The following CHAF1A variants were observed in gnomAD, a reference collection of about 807,000 sequenced individuals.
The protein encoded by CHAF1A is CAF-1 subunit A.
Under a neutral mutation model 93.2 loss-of-function variants are expected in CHAF1A, and 5 were observed. The ratio of observed to expected loss-of-function variants is 0.05; its 90% CI spans 0.03 to 0.11. The LOEUF is 0.11. Ranked by LOEUF, CHAF1A falls within the 10% of genes least tolerant of loss-of-function variation. The pLI is 1.00. For missense variants in CHAF1A, 1,102 were observed against 1,259.9 expected (o/e 0.87, Z 1.90); for synonymous variants, 504 against 510.3 (o/e 0.99, Z 0.17).
chr19:4,418,600 A>G (rs943539064), intron 4 of CHAF1A, among the ~76,000 whole-genome samples: 3 of 151,706 alleles, frequency 2.0e-5, no homozygotes, highest in Middle Eastern at 3.2e-3. Flanking sequence ...TATTTTTAGT[A>G]GAGACGGGGT....
At chr19:4,406,633 C>T (rs1376203173) in intron 2 of CHAF1A, among the ~76,000 whole-genome samples, 1 of 152,048 alleles carries the variant, frequency 6.6e-6, no homozygotes, top group Non-Finnish European at 1.5e-5. Context: ...TGGGGTTTTA[C>T]CATGTTGGCC....
At chr19:4,437,133 G>A (rs757990175) in intron 13 of CHAF1A, among the ~76,000 whole-genome samples, 13 of 151,998 alleles carry the variant, frequency 8.6e-5, no homozygotes, top group Non-Finnish European at 1.5e-4. Context: ...GCAGTGCAGC[G>A]GACGCACGAA....
intron 13 of CHAF1A, among the ~76,000 whole-genome samples, chr19:4,435,181 C>T (rs1263735949): frequency 6.8e-6 from 1 of 147,992 alleles, no homozygotes; most frequent in Non-Finnish European, 1.5e-5. Flanking sequence ...AGCTCCGCCT[C>T]CCGGGTTCAC....
At chr19:4,406,469 C>T (rs1157249336) in intron 2 of CHAF1A, among the ~76,000 whole-genome samples, 2 of 135,266 alleles carry the variant, frequency 1.5e-5, no homozygotes, top group African/African-American at 5.6e-5. Context: ...GAGTCTCATT[C>T]TGTTGCCCAG....
downstream of CHAF1A, chr19:4,446,790 G>C (rs980777223): frequency 1.9e-6 from 3 of 1,613,554 alleles, no homozygotes; most frequent in Non-Finnish European, 2.5e-6. Flanking sequence ...CCTGCCCCGA[G>C]GCCCCTCGTC....
chr19:4,407,081 T>C (rs1217334616), intron 2 of CHAF1A, among the ~76,000 whole-genome samples: 3 of 151,844 alleles, frequency 2.0e-5, no homozygotes, highest in Non-Finnish European at 4.4e-5. Flanking sequence ...TAGCTGGGCA[T>C]GGTAGGGGGC....
At chr19:4,404,713 TAACTA>T (rs1973649047) in intron 1 of CHAF1A, among the ~76,000 whole-genome samples, 1 of 152,184 alleles carries the variant, frequency 6.6e-6, no homozygotes, top group Non-Finnish European at 1.5e-5. Flanking sequence ...TTAACCAAAA[TAACTA>T]AACTAGGTTT....
At chr19:4,423,184 A>G in intron 5 of CHAF1A, 151 bp from the exon 6 acceptor site, 2 of 1,092,846 alleles carry the variant, frequency 1.8e-6, no homozygotes, top group Non-Finnish European at 2.6e-6. Context: ...TATTGTGAAG[A>G]CCTATGTAAA....
chr19:4,437,072 G>A (rs1001892878), intron 13 of CHAF1A, among the ~76,000 whole-genome samples: 5 of 152,332 alleles, frequency 3.3e-5, no homozygotes, highest in South Asian at 2.1e-4. Flanking sequence ...CCACATGCGC[G>A]TGATTGGTGG....
chr19:4,445,298 G>T, downstream of CHAF1A: 1 of 849,110 alleles, frequency 1.2e-6, no homozygotes, highest in Non-Finnish European at 1.8e-6. Flanking sequence ...CGGGGGCTTG[G>T]GCGCATCCCC....
chr19:4,439,571 C>T lies in CHAF1A; in HGVS notation c.2674-2674C>T, dbSNP rs539225162. Among the ~76,000 whole-genome samples, 101 of 152,308 alleles carry T rather than the reference C, an allele frequency of 6.6e-4. 1 individual carries two copies. Among genetic ancestry groups the T allele is most frequent in the African/African-American group, 2.4e-3 (98 of 41,556 alleles). On this transcript the variant is annotated intron_variant, in intron 13 of 14. Coordinates refer to ENST00000301280, the MANE Select transcript of CHAF1A (RefSeq NM_005483.3). Reference sequence around the variant, plus strand: ...TGGATCCAAGAAAAGCCTAATGTGTCAACGCGTCTCCTGTGTGGAGGGAGG... The same window carrying T: ...TGGATCCAAGAAAAGCCTAATGTGTTAACGCGTCTCCTGTGTGGAGGGAGG...
At position 4,418,037 on chromosome 19, in the gene CHAF1A, C is replaced by T; in HGVS notation, c.978C>T (p.Val326=). The change falls in exon 4 of 15, where the codon GTC becomes GTT. Residue 326 remains valine (V), a synonymous_variant. Transcript: ENST00000301280. ...TPLRRITKKF[V]KGSTEKNKLR... ...GTTTTCAGATAACTAAGAAATTCGT[C>T]AAAGGCTCTACAGAGAAGAACAAGC... 1 of 1,604,260 alleles carries T rather than the reference C, an allele frequency of 6.2e-7. No homozygotes were observed.
At chr19:4,445,946 T>G (rs1377724743), downstream of CHAF1A, 1 of 1,494,310 alleles carries the variant, frequency 6.7e-7, no homozygotes, top group Non-Finnish European at 8.9e-7. Context: ...CCAGGCCCCC[T>G]GCTCTGAGAA....
At chr19:4,425,631 G>A (rs1462903894) in intron 7 of CHAF1A, among the ~76,000 whole-genome samples, 1 of 152,204 alleles carries the variant, frequency 6.6e-6, no homozygotes, top group Non-Finnish European at 1.5e-5. Context: ...ACAGGCATGA[G>A]CCACAGAGCC....
At chr19:4,409,786 A>C (rs1272164393) in intron 3 of CHAF1A, 27 bp downstream of exon 3, 5 of 1,575,688 alleles carry the variant, frequency 3.2e-6, no homozygotes, top group Middle Eastern at 1.7e-4. Flanking sequence ...GAGTCCCTGC[A>C]CATCAGTGCT....
At chr19:4,447,211 C>A, downstream of CHAF1A, 2 of 578,908 alleles carry the variant, frequency 3.5e-6, no homozygotes, top group East Asian at 5.7e-5. Context: ...CCGCCCAGGA[C>A]CCCAGTCCCT....
At chr19:4,445,499 C>A (rs760617326), downstream of CHAF1A, 1 of 1,613,878 alleles carries the variant, frequency 6.2e-7, no homozygotes, top group Non-Finnish European at 8.5e-7. Flanking sequence ...GCTTTTATTT[C>A]ACAAGAGCTT....
At chr19:4,445,475 C>A (rs1443453666), downstream of CHAF1A, 1 of 1,613,418 alleles carries the variant, frequency 6.2e-7, no homozygotes, top group Non-Finnish European at 8.5e-7. Context: ...ACCCACAGGG[C>A]TGAGGCCAAC....
chr19:4,415,841 TGA>T (rs1973887739), intron 3 of CHAF1A, among the ~76,000 whole-genome samples: 1 of 152,036 alleles, frequency 6.6e-6, no homozygotes, highest in African/African-American at 2.4e-5. Flanking sequence ...TTTTATTCTG[TGA>T]GAGGTCCTAG....
Sources: gnomAD v4.1 joint callset for allele counts (sites outside exome capture counted in the v4.1 genomes callset) on GRCh38, gnomAD v4.1.1 for gene constraint, MANE v1.5 for transcripts, NCBI Gene and HGNC (gene_info 2026-07-23, HGNC 2026-07-21) for gene names.